The following ANKRD44 variants were observed in gnomAD, a reference collection of about 807,000 sequenced individuals.
The protein encoded by ANKRD44 is serine/threonine-protein phosphatase 6 regulatory ankyrin repeat subunit B.
ANKRD44 carries 35 observed loss-of-function variants against 116.0 expected under a neutral mutation model. The observed-to-expected ratio is 0.30, with a 90% CI of 0.23 to 0.40. The LOEUF is 0.40. Among genes scored for constraint, ANKRD44 ranks in the 10% least tolerant of loss-of-function variants. The pLI is 1.00. For synonymous variants in ANKRD44, 435 were observed against 461.8 expected (o/e 0.94, Z 0.74); for missense variants, 1,014 against 1,242.6 (o/e 0.82, Z 2.77).
intron 8 of ANKRD44, among the ~76,000 whole-genome samples, chr2:197,121,117 T>C (rs2078843894): frequency 6.6e-6 from 1 of 152,018 alleles, no homozygotes; most frequent in Non-Finnish European, 1.5e-5. Flanking sequence ...TTAGTAGAGA[T>C]GGTGTTTCAC....
intron 24 of ANKRD44, among the ~76,000 whole-genome samples, 164 bp downstream of exon 24, chr2:196,998,743 G>A (rs1422176441): frequency 6.6e-6 from 1 of 152,146 alleles, no homozygotes; most frequent in African/African-American, 2.4e-5. Context: ...TCAAAAAACA[G>A]GGAACTGAAA....
intron 21 of ANKRD44, among the ~76,000 whole-genome samples, chr2:196,980,962 A>G (rs565931300): frequency 6.6e-6 from 1 of 152,240 alleles, no homozygotes; most frequent in African/African-American, 2.4e-5. Flanking sequence ...AGCTTTTCCT[A>G]TTTGTCATGT....
intron 8 of ANKRD44, among the ~76,000 whole-genome samples, chr2:197,112,599 T>C (rs1338108503): frequency 6.6e-6 from 1 of 151,510 alleles, no homozygotes; most frequent in Non-Finnish European, 1.5e-5. Flanking sequence ...TCCTAGCTGC[T>C]TGGGAGGCTG....
intron 2 of ANKRD44, among the ~76,000 whole-genome samples, chr2:197,152,818 T>TA (rs2079688098): frequency 6.6e-6 from 1 of 152,294 alleles, no homozygotes; most frequent in African/African-American, 2.4e-5. Flanking sequence ...GCATTCTAAG[T>TA]AACTGTCATA....
chr2:197,102,955 C>T (rs1033144531), intron 9 of ANKRD44, among the ~76,000 whole-genome samples: 10 of 151,864 alleles, frequency 6.6e-5, no homozygotes, highest in East Asian at 1.9e-4. Context: ...GGTGGCGGGG[C>T]GTGGTGGCTC....
intron 27 of ANKRD44, chr2:196,990,586 C>G: frequency 8.1e-7 from 1 of 1,230,804 alleles, no homozygotes. Context: ...GCCCAGGCCC[C>G]AAATAATACT....
At chr2:197,061,501 A>G (rs1011569600) in intron 16 of ANKRD44, among the ~76,000 whole-genome samples, 1 of 152,220 alleles carries the variant, frequency 6.6e-6, no homozygotes, top group Non-Finnish European at 1.5e-5. Context: ...ACAGAAAGTA[A>G]AAACAGGAGA....
intron 2 of ANKRD44, among the ~76,000 whole-genome samples, chr2:197,172,640 T>A (rs903292812): frequency 1.3e-5 from 2 of 152,068 alleles, no homozygotes; most frequent in African/African-American, 2.4e-5. Flanking sequence ...TGGGGTGCAG[T>A]CACAACCTCC....
downstream of ANKRD44, among the ~76,000 whole-genome samples, chr2:196,986,141 TTC>T (rs2075835168): frequency 6.6e-6 from 1 of 152,226 alleles, no homozygotes; most frequent in South Asian, 2.1e-4. Flanking sequence ...TCTGTTTGTA[TTC>T]TTTTTCTCTG....
intron 16 of ANKRD44, among the ~76,000 whole-genome samples, chr2:197,041,128 AG>A (rs2076902927): frequency 6.6e-6 from 1 of 152,210 alleles, no homozygotes; most frequent in Non-Finnish European, 1.5e-5. Context: ...GAATTTAAGA[AG>A]GTGCCTTTCC....
At chr2:197,207,915 A>T (rs982862496) in intron 1 of ANKRD44, among the ~76,000 whole-genome samples, 1 of 152,228 alleles carries the variant, frequency 6.6e-6, no homozygotes, top group Non-Finnish European at 1.5e-5. Context: ...TCCTAAAAGT[A>T]AAATTCTAAA....
At chr2:197,054,153 AC>A (rs2125024014) in intron 16 of ANKRD44, among the ~76,000 whole-genome samples, 1 of 152,370 alleles carries the variant, frequency 6.6e-6, no homozygotes, top group South Asian at 2.1e-4. Flanking sequence ...CAATGTCTAA[AC>A]TTATATGTAA....
chr2:197,086,760 G>A lies in ANKRD44; in HGVS notation c.1248-12C>T, dbSNP rs148817660. The A allele has an allele frequency of 2.8e-3, 4,512 of 1,612,776 alleles. 5 individuals are homozygous for A. The highest frequency in any genetic ancestry group is 3.4e-3 in the Non-Finnish European group (3,977 of 1,179,266). On this transcript the variant is annotated splice_polypyrimidine_tract_variant and intron_variant, in intron 12 of 27. Coordinates refer to ENST00000282272, the MANE Select transcript of ANKRD44 (RefSeq NM_001195144.2). ...TACATTCCACATTACTAGAAAGACA[G>A]GGAAAACATCATTAAGATGGAAGAG...
intron 1 of ANKRD44, among the ~76,000 whole-genome samples, chr2:197,251,328 CTT>C (rs1274600300): frequency 1.3e-5 from 2 of 152,278 alleles, no homozygotes; most frequent in Admixed American, 1.3e-4. Flanking sequence ...CAATAAATAT[CTT>C]TGTTCTTACA....
At chr2:197,264,125 A>C (rs556670138) in intron 1 of ANKRD44, among the ~76,000 whole-genome samples, 141 of 152,284 alleles carry the variant, frequency 9.3e-4, no homozygotes, top group African/African-American at 3.3e-3. Context: ...AAAGGAAAAG[A>C]AAGGAGCCTG....
intron 13 of ANKRD44, among the ~76,000 whole-genome samples, chr2:197,085,832 T>A (rs2077908944): frequency 1.3e-5 from 2 of 152,300 alleles, no homozygotes; most frequent in South Asian, 4.1e-4. Context: ...CTCTATGGAC[T>A]CGCCCTGAAT....
intron 17 of ANKRD44, among the ~76,000 whole-genome samples, chr2:197,016,267 C>T (rs1182430774): frequency 2.0e-5 from 3 of 152,180 alleles, no homozygotes; most frequent in African/African-American, 7.2e-5. Context: ...TTTAGATGTA[C>T]ATTCCTGAGG....
rs138423397 is a variant in ANKRD44, at chr2:197,200,976, T to C, written c.28-13870A>G. On this transcript the variant is annotated intron_variant, in intron 1 of 27. Coordinates refer to ENST00000282272, the MANE Select transcript of ANKRD44 (RefSeq NM_001195144.2). ...AAATATGATTTGAAAGTTTAGTGTA[T>C]GTCCTGATATATAGTATGCCTTGAG... is the stretch of plus-strand genomic sequence containing the variant. 8.1e-3 allele frequency among the ~76,000 whole-genome samples: 1,236 copies of C among 152,352 alleles called. 7 individuals are homozygous for C. The highest frequency in any genetic ancestry group is 0.013 in the Non-Finnish European group (916 of 68,034).
intron 16 of ANKRD44, among the ~76,000 whole-genome samples, chr2:197,060,378 C>T (rs1221714752): frequency 1.3e-5 from 2 of 152,180 alleles, no homozygotes; most frequent in East Asian, 3.9e-4. Flanking sequence ...CATTCCTTTC[C>T]TTCCCAGTTT....
Sources: allele counts gnomAD v4.1 joint callset (sites outside exome capture counted in the v4.1 genomes callset), GRCh38; gene constraint gnomAD v4.1.1; transcripts MANE v1.5; gene names NCBI Gene and HGNC (gene_info 2026-07-23, HGNC 2026-07-21).